SNRNP27: variants seen among roughly 807,000 people sequenced by gnomAD.
SNRNP27 encodes U4/U6.U5 small nuclear ribonucleoprotein 27 kDa protein.
Under a neutral mutation model 25.1 loss-of-function variants are expected in SNRNP27, and 22 were observed. The ratio of observed to expected loss-of-function variants is 0.88; its 90% CI spans 0.63 to 1.25. The LOEUF (loss-of-function observed/expected upper bound fraction) is 1.25, where lower values mean the gene tolerates loss of function less well. Among genes scored for constraint, SNRNP27 ranks in the 50% most tolerant of loss-of-function variants. The pLI is 0.00. For missense variants in SNRNP27, 150 were observed against 202.3 expected, an observed-to-expected ratio of 0.74 and a Z score of 1.57; for synonymous variants, 66 against 64.9, an observed-to-expected ratio of 1.02 and a Z score of -0.08.
intron 4 of SNRNP27, among the ~76,000 whole-genome samples, chr2:69,902,220 C>T (rs1449733638): frequency 1.3e-5 from 2 of 150,918 alleles, no homozygotes; most frequent in Non-Finnish European, 3.0e-5. Context: ...CCTCCTCCCT[C>T]CTTCCTCCTC....
chr2:69,894,981 T>C, intron 1 of SNRNP27, 113 bp from the exon 2 acceptor site: 1 of 1,446,764 alleles, frequency 6.9e-7, no homozygotes, highest in Non-Finnish European at 9.3e-7. Flanking sequence ...CCCAGCCTCT[T>C]TTTACCTTTT....
At chr2:69,894,062 G>T in intron 1 of SNRNP27, 44 bp downstream of exon 1, 1 of 1,546,796 alleles carries the variant, frequency 6.5e-7, no homozygotes, top group Non-Finnish European at 8.9e-7. Context: ...TCTGTTGGAG[G>T]CCTGTCCCTT....
chr2:69,894,384 T>C (rs1470068533), intron 1 of SNRNP27, among the ~76,000 whole-genome samples: 1 of 152,202 alleles, frequency 6.6e-6, no homozygotes, highest in South Asian at 2.1e-4. Flanking sequence ...GAATGAGTCA[T>C]TGAGGGTAGT....
intron 3 of SNRNP27, among the ~76,000 whole-genome samples, chr2:69,896,827 C>G (rs568342217): frequency 2.6e-4 from 40 of 152,152 alleles, no homozygotes; most frequent in African/African-American, 9.6e-4. Context: ...GCACCCGCCA[C>G]TATGCCCGGC....
At chr2:69,897,251 C>T (rs1676620322) in intron 3 of SNRNP27, 126 bp from the exon 4 acceptor site, 3 of 610,738 alleles carry the variant, frequency 4.9e-6, no homozygotes, top group Non-Finnish European at 8.6e-6. Flanking sequence ...GACTCATCTT[C>T]AGCTAATTGT....
intron 4 of SNRNP27, 39 bp from the exon 5 acceptor site, chr2:69,903,142 T>G: frequency 6.7e-7 from 1 of 1,498,050 alleles, no homozygotes; most frequent in Non-Finnish European, 9.3e-7. Context: ...TAATGTATCC[T>G]TCCTGTTTTT....
intron 1 of SNRNP27, among the ~76,000 whole-genome samples, chr2:69,894,669 T>C (rs1429432157): frequency 6.6e-6 from 1 of 152,022 alleles, no homozygotes; most frequent in Non-Finnish European, 1.5e-5. Context: ...ATTCGTTTTT[T>C]TTTTAAATCA....
intron 4 of SNRNP27, among the ~76,000 whole-genome samples, chr2:69,899,965 A>T (rs963442829): frequency 6.6e-6 from 1 of 151,010 alleles, no homozygotes. Context: ...GGCCTCAAGA[A>T]ATCCTCCTGC....
chr2:69,901,755 A>T (rs1013333484), intron 4 of SNRNP27, among the ~76,000 whole-genome samples: 27 of 152,190 alleles, frequency 1.8e-4, no homozygotes, highest in African/African-American at 6.5e-4. Context: ...CAGGAGTTTG[A>T]GGCTGCAGTG....
chr2:69,897,309 C>A, intron 3 of SNRNP27, 68 bp from the exon 4 acceptor site: 1 of 1,066,326 alleles, frequency 9.4e-7, no homozygotes, highest in South Asian at 1.3e-5. Flanking sequence ...AATCTGTTAC[C>A]ACCTCTCTTT....
At chr2:69,902,248 C>T (rs1289309375) in intron 4 of SNRNP27, among the ~76,000 whole-genome samples, 3 of 150,240 alleles carry the variant, frequency 2.0e-5, no homozygotes, top group Middle Eastern at 3.2e-3. Context: ...TCTTCTCCTT[C>T]CTCCTTCCTT....
Position 69,897,363 on chromosome 2 carries a change from ATTC to A in SNRNP27, c.269-11_269-9del, listed in dbSNP as rs1319339913. The A allele has an allele frequency of 6.3e-7, 1 of 1,589,218 alleles. No homozygotes were observed. Among genetic ancestry groups the A allele is most frequent in the African/African-American group, 1.3e-5 (1 of 74,392 alleles). Reference sequence around the variant, plus strand: ...GAAATGATAGAGAGGTCACAAAATTATTCTTTTTTGCAGAGGAAGACTTAGAGG... The same window carrying A: ...GAAATGATAGAGAGGTCACAAAATTATTTTTTGCAGAGGAAGACTTAGAGG... On this transcript the variant is annotated splice_polypyrimidine_tract_variant and intron_variant, in intron 3 of 5. Coordinates refer to ENST00000244227, the MANE Select transcript of SNRNP27 (RefSeq NM_006857.3).
At chr2:69,902,892 T>TC (rs566757294) in intron 4 of SNRNP27, among the ~76,000 whole-genome samples, 3 of 146,792 alleles carry the variant, frequency 2.0e-5, no homozygotes, top group African/African-American at 7.5e-5. Context: ...CTCCCCTACT[T>TC]CCCTCTTCCT....
chr2:69,903,602 C>A (rs1676746805), intron 5 of SNRNP27, among the ~76,000 whole-genome samples: 1 of 152,120 alleles, frequency 6.6e-6, no homozygotes, highest in Admixed American at 6.6e-5. Flanking sequence ...TAAATATATT[C>A]TTCTGTTAAG....
chr2:69,901,280 T>A (rs148416821), intron 4 of SNRNP27, among the ~76,000 whole-genome samples: 11 of 152,256 alleles, frequency 7.2e-5, no homozygotes, highest in Non-Finnish European at 1.6e-4. Context: ...CTGGAATGTT[T>A]GAATTGGGCC....
intron 4 of SNRNP27, among the ~76,000 whole-genome samples, chr2:69,901,804 T>C (rs953942675): frequency 7.2e-5 from 11 of 152,120 alleles, no homozygotes; most frequent in African/African-American, 2.4e-4. Context: ...CTGGCGACAG[T>C]GAGGCCCTGT....
chr2:69,905,230 A>G lies in SNRNP27; in HGVS notation c.*922A>G, dbSNP rs563084193. ...ACTGTGACTACTATCTGTCTCCATT[A>G]CATACATATTTTTGTATGTTTCATT... On this transcript the variant is annotated 3_prime_UTR_variant, in exon 6 of 6. Coordinates refer to ENST00000244227, the MANE Select transcript of SNRNP27 (RefSeq NM_006857.3). The G allele has an allele frequency of 2.6e-5, 4 of 152,278 alleles. No individual in the cohort carries two copies. The East Asian group carries it at 7.7e-4, about 29-fold the overall frequency. The allele number at this position is 152,278 out of a possible 1,614,324, so 9.4% of individuals were successfully genotyped here. A position where few individuals can be genotyped will look rare whatever the true frequency, so the allele number is the denominator to read the frequency against.
chr2:69,904,333 T>A lies in SNRNP27; in HGVS notation c.*25T>A, dbSNP rs755660423. 6.3e-7 allele frequency: 1 copy of A among 1,587,930 alleles called. No homozygotes were observed. Among genetic ancestry groups the A allele is most frequent in the Non-Finnish European group, 8.6e-7 (1 of 1,158,232 alleles). On this transcript the variant is annotated 3_prime_UTR_variant, in exon 6 of 6. Transcript: ENST00000244227. ...AGAATTGAAGTGTTGAAGGATGATT[T>A]TTTTTCCCCTCATCTTGGTCAGAGA...
At chr2:69,895,045 G>C (rs1458881988) in intron 1 of SNRNP27, 49 bp from the exon 2 acceptor site, 9 of 1,607,786 alleles carry the variant, frequency 5.6e-6, no homozygotes, top group Non-Finnish European at 7.6e-6. Context: ...CGCAGCTCTA[G>C]ATATTTGAGG....
Sources: allele counts gnomAD v4.1 joint callset (sites outside exome capture counted in the v4.1 genomes callset), GRCh38; gene constraint gnomAD v4.1.1; transcripts MANE v1.5; gene names NCBI Gene and HGNC (gene_info 2026-07-23, HGNC 2026-07-21).